Variants in NDOR1 observed in about 807,000 individuals in gnomAD.
NDOR1 encodes the protein NADPH-dependent diflavin oxidoreductase 1.
NDOR1 carries 61 observed loss-of-function variants against 67.2 expected under a neutral mutation model. That is an observed-to-expected ratio of 0.91 (90% confidence interval 0.74 to 1.12). The LOEUF (loss-of-function observed/expected upper bound fraction) is 1.12. NDOR1 is among the 50% of genes most tolerant of loss of function. The pLI is 0.00. For synonymous variants in NDOR1, 378 were observed against 343.7 expected, an observed-to-expected ratio of 1.10 and a Z score of -1.10; for missense variants, 878 against 802.8, an observed-to-expected ratio of 1.09 and a Z score of -1.13.
rs770330565 is a variant in NDOR1, at chr9:137,215,753, G to A, written c.1383G>A (p.Gly461=). The part of the protein sequence containing the change: ...TPVIMVGPGT[G]VAPFRAAIQE... ...TGATCATGGTGGGGCCTGGCACTGG[G>A]GTAGCCCCCTTCCGAGCAGCCATCC... Residue 461 remains glycine (G), a synonymous_variant, in exon 11 of 14, where the codon GGG becomes GGA. Coordinates refer to ENST00000684003, the MANE Select transcript of NDOR1 (RefSeq NM_014434.4). 3.7e-5 allele frequency: 60 copies of A among 1,602,086 alleles called. No individual in the cohort carries two copies. The highest frequency in any genetic ancestry group is 4.1e-5 in the Non-Finnish European group (48 of 1,173,402).
rs1162379418 is a variant in NDOR1 at position 137,205,773 on chromosome 9, C to T, written c.-5C>T. ...GTCTCAGACCAGACCACCGGGCGCA[C>T]CCCGATGCCGAGCCCGCAGCTTCTG... is the stretch of plus-strand genomic sequence containing the variant. On this transcript the variant is annotated 5_prime_UTR_variant, in exon 1 of 14. Coordinates refer to ENST00000684003, the MANE Select transcript of NDOR1 (RefSeq NM_014434.4). 1.9e-6 allele frequency: 3 copies of T among 1,603,172 alleles called. No individual in the cohort carries two copies. The highest frequency in any genetic ancestry group is 2.2e-5 in the East Asian group (1 of 44,882).
At position 137,205,777 on chromosome 9, in the gene NDOR1, G is replaced by A. The variant is rs1052193996; in HGVS notation, c.-1G>A. 1.2e-5 allele frequency: 19 copies of A among 1,603,472 alleles called. No homozygotes were observed. Among genetic ancestry groups the A allele is most frequent in the African/African-American group, 2.7e-5 (2 of 74,926 alleles). On this transcript the variant is annotated 5_prime_UTR_variant, in exon 1 of 14. Coordinates refer to ENST00000684003, the MANE Select transcript of NDOR1 (RefSeq NM_014434.4). ...CAGACCAGACCACCGGGCGCACCCC[G>A]ATGCCGAGCCCGCAGCTTCTGGTGC...
At chr9:137,207,274 G>A (rs1028979828) in intron 2 of NDOR1, among the ~76,000 whole-genome samples, 6 of 151,914 alleles carry the variant, frequency 3.9e-5, no homozygotes, top group African/African-American at 1.5e-4. Context: ...TTGCAGTGGT[G>A]TCAGGAAGAG....
chr9:137,207,643 G>A (rs1042677351), intron 2 of NDOR1, among the ~76,000 whole-genome samples: 3 of 152,128 alleles, frequency 2.0e-5, no homozygotes, highest in Non-Finnish European at 4.4e-5. Context: ...GGAGAGGACT[G>A]GGGGAGTGAG....
In NDOR1 at chr9:137,214,933, G is replaced by A. The variant is rs138352598; in HGVS notation, c.980G>A (p.Arg327Gln). The change falls in exon 8 of 14, where the codon CGG becomes CAG. Residue 327 changes from arginine (R) to glutamine (Q), a missense_variant. Physicochemically the swap from Arg to Gln is conservative, Grantham distance 43. Coordinates refer to ENST00000684003, the MANE Select transcript of NDOR1 (RefSeq NM_014434.4). ...LACLSLHELEREKLLEFSSAQ... is the reference protein window; with the variant it reads ...LACLSLHELEQEKLLEFSSAQ... ...TGTCTATCCCTCCATGAGCTGGAGC[G>A]GGAGAAGCTGCTGGAGTTCAGTTCT... 501 of 1,613,420 alleles carry A rather than the reference G, an allele frequency of 3.1e-4. 1 individual carries two copies. The African/African-American group carries it at 4.6e-3, about 15-fold the overall frequency.
Position 137,206,245 on chromosome 9 carries a change from A to G in NDOR1, c.149A>G (p.Asn50Ser). 6.2e-7 allele frequency: 1 copy of G among 1,613,968 alleles called. No homozygotes were observed. The highest frequency in any genetic ancestry group is 1.1e-5 in the South Asian group (1 of 91,086). ...LDSYPVVNLINEPLVIFVCAT... is the reference protein window; with the variant it reads ...LDSYPVVNLISEPLVIFVCAT... The stretch of plus-strand genomic sequence containing the variant: ...CTTTTTGTTGAGGTGAATCTGATTA[A>G]CGAGCCCCTGGTGATATTTGTTTGT... The change falls in exon 2 of 14, where the codon AAC (asparagine) becomes AGC (serine). Residue 50 changes from asparagine to serine, a missense_variant. Asn to Ser is a conservative substitution (Grantham distance 46). Coordinates refer to ENST00000684003, the MANE Select transcript of NDOR1 (RefSeq NM_014434.4).
Position 137,212,696 on chromosome 9 carries a change from C to T in NDOR1, c.311+97C>T. 5.2e-6 allele frequency: 6 copies of T among 1,149,912 alleles called. No individual in the cohort carries two copies. The highest frequency in any genetic ancestry group is 5.2e-6 in the Non-Finnish European group (4 of 767,016). The allele number at this position is 1,149,912 out of a possible 1,614,324, so 71.2% of individuals were successfully genotyped here. On this transcript the variant is annotated intron_variant, in intron 3 of 13. Coordinates refer to ENST00000684003, the MANE Select transcript of NDOR1 (RefSeq NM_014434.4). The surrounding 1 kb of genome is among the most constrained non-coding windows in gnomAD (Gnocchi z 4.3). ...ACCGAGACCAGCTTCCAGGGTCGGCCCCTGCGCGCCTCAGGGCCCTCGCAG... is the reference window on the plus strand; with the variant it reads ...ACCGAGACCAGCTTCCAGGGTCGGCTCCTGCGCGCCTCAGGGCCCTCGCAG...
Position 137,217,681 on chromosome 9 carries a change from G to C in NDOR1, c.*1265G>C. 1 of 293,918 alleles carries C rather than the reference G, an allele frequency of 3.4e-6. No individual in the cohort carries two copies. The highest frequency in any genetic ancestry group is 6.3e-6 in the Non-Finnish European group (1 of 159,400). 18.2% of individuals were successfully genotyped at this position (293,918 alleles called of 1,614,324 possible). A position where few individuals can be genotyped will look rare whatever the true frequency, so the allele number is the denominator to read the frequency against. On this transcript the variant is annotated 3_prime_UTR_variant, in exon 14 of 14. Coordinates refer to ENST00000684003, the MANE Select transcript of NDOR1 (RefSeq NM_014434.4). The stretch of plus-strand genomic sequence containing the variant: ...AGTCCACTTCCAGTGAGGAGAGCCA[G>C]CCGGGAGGTCAGTGCCAGAGCTCTG...
At chr9:137,209,730 C>T (rs1406922941) in intron 2 of NDOR1, among the ~76,000 whole-genome samples, 1 of 152,198 alleles carries the variant, frequency 6.6e-6, no homozygotes, top group East Asian at 1.9e-4. Context: ...CCCCCAGCAG[C>T]AGACAGGAGA....
At chr9:137,215,296 G>A (rs1835502253) in intron 9 of NDOR1, 94 bp downstream of exon 9, 6 of 1,539,756 alleles carry the variant, frequency 3.9e-6, no homozygotes, top group Non-Finnish European at 4.5e-6. Flanking sequence ...CCTCTGACCA[G>A]GTGACGTTCC....
At chr9:137,207,618 G>T (rs1419980357) in intron 2 of NDOR1, among the ~76,000 whole-genome samples, 1 of 152,098 alleles carries the variant, frequency 6.6e-6, no homozygotes, top group East Asian at 1.9e-4. Flanking sequence ...TAGAAGAGAG[G>T]GTGCAGCACC....
intron 6 of NDOR1, 64 bp from the exon 7 acceptor site, chr9:137,214,506 C>G: frequency 6.2e-7 from 1 of 1,609,138 alleles, no homozygotes; most frequent in Non-Finnish European, 8.5e-7. Flanking sequence ...GGGATGACTT[C>G]TATCCGGGGC....
rs34327783 is a variant in NDOR1, at chr9:137,208,143, C to CAA, written c.213+1850_213+1851dup. 3.0e-3 allele frequency among the ~76,000 whole-genome samples: 169 copies of CAA among 57,094 alleles called. 2 individuals carry two copies. Among genetic ancestry groups the CAA allele is most frequent in the Middle Eastern group, 0.024 (2 of 82 alleles). The allele number at this position is 57,094 out of a possible 152,430, so 37.5% of individuals were successfully genotyped here. A position where few individuals can be genotyped will look rare whatever the true frequency, so the allele number is the denominator to read the frequency against. ...GACTGGTGACAGAGCTAGACTCTGT[C>CAA]AAAAAAAAAAAAAAAAAGAAAAAGA... On this transcript the variant is annotated intron_variant, in intron 2 of 13. Coordinates refer to ENST00000684003, the MANE Select transcript of NDOR1 (RefSeq NM_014434.4).
intron 9 of NDOR1, 28 bp downstream of exon 9, chr9:137,215,230 G>T (rs1309626142): frequency 1.9e-6 from 3 of 1,599,654 alleles, no homozygotes; most frequent in Admixed American, 3.4e-5. Context: ...TGGAGCCCAG[G>T]ACCGGCCCTG....
In NDOR1 at chr9:137,212,641, G is replaced by T. The variant is rs367957410; in HGVS notation, c.311+42G>T. On this transcript the variant is annotated intron_variant, in intron 3 of 13. Transcript: ENST00000684003. The surrounding 1 kb of genome is among the most constrained non-coding windows in gnomAD (Gnocchi z 4.3). Reference sequence around the variant, plus strand: ...ACAGTGGGCGGACGGAACAGTTCTGGGGGTCGAGCAACAGGTGTGCTGGCA... The same window carrying T: ...ACAGTGGGCGGACGGAACAGTTCTGTGGGTCGAGCAACAGGTGTGCTGGCA... 6.4e-6 allele frequency: 10 copies of T among 1,563,004 alleles called. No homozygotes were observed. The highest frequency in any genetic ancestry group is 7.9e-6 in the Non-Finnish European group (9 of 1,133,960).
chr9:137,206,031 G>T (rs1043444996), intron 1 of NDOR1, 119 bp downstream of exon 1: 2 of 1,482,674 alleles, frequency 1.3e-6, no homozygotes, highest in Non-Finnish European at 9.0e-7. Context: ...CCCTTATGGC[G>T]GATTTAGGGA....
At chr9:137,210,132 G>C (rs542352894) in intron 2 of NDOR1, among the ~76,000 whole-genome samples, 1 of 152,374 alleles carries the variant, frequency 6.6e-6, no homozygotes, top group East Asian at 1.9e-4. Context: ...AACAGGCAGA[G>C]ACGGGCACAG....
chr9:137,211,878 G>C (rs548565722), intron 2 of NDOR1, among the ~76,000 whole-genome samples: 1 of 152,088 alleles, frequency 6.6e-6, no homozygotes, highest in Non-Finnish European at 1.5e-5. Flanking sequence ...AGGTTCCTTG[G>C]GGGGGCCTCT....
rs1588825401 is a variant in NDOR1 at position 137,218,260 on chromosome 9, G to C, written c.*1844G>C. The stretch of plus-strand genomic sequence containing the variant: ...CCGTGCTGGAATGGGAGATCTGCCG[G>C]CTACAGGAGGAGCTGCTACAGGCCG... On this transcript the variant is annotated 3_prime_UTR_variant, in exon 14 of 14. Coordinates refer to ENST00000684003, the MANE Select transcript of NDOR1 (RefSeq NM_014434.4). The C allele has an allele frequency of 1.0e-5, 4 of 398,202 alleles. No individual in the cohort carries two copies. Among genetic ancestry groups the C allele is most frequent in the African/African-American group, 4.1e-5 (2 of 48,606 alleles). 24.7% of individuals were successfully genotyped at this position (398,202 alleles called of 1,614,324 possible). A position where few individuals can be genotyped will look rare whatever the true frequency, so the allele number is the denominator to read the frequency against.
Sources: gnomAD v4.1 joint callset for allele counts (sites outside exome capture counted in the v4.1 genomes callset) on GRCh38, gnomAD v4.1.1 for gene constraint, Gnocchi (gnomAD v3.1) non-coding constraint, MANE v1.5 for transcripts, NCBI Gene and HGNC (gene_info 2026-07-23, HGNC 2026-07-21) for gene names.